The following NRXN3 variants were observed in gnomAD, a reference collection of about 807,000 sequenced individuals.
The protein encoded by NRXN3 is neurexin 3.
Under a neutral mutation model 137.6 loss-of-function variants are expected in NRXN3, and 32 were observed. That is an observed-to-expected ratio of 0.23 (90% CI 0.18 to 0.31). The LOEUF is 0.31. Ranked by LOEUF, NRXN3 falls within the 10% of genes least tolerant of loss-of-function variation. The pLI is 1.00. For synonymous variants in NRXN3, 798 were observed against 784.5 expected (o/e 1.02, Z -0.29); for missense variants, 1,574 against 2,062.5 (o/e 0.76, Z 4.59).
intron 17 of NRXN3, among the ~76,000 whole-genome samples, chr14:79,685,549 T>C (rs937534665): frequency 3.9e-5 from 6 of 152,226 alleles, no homozygotes; most frequent in African/African-American, 1.4e-4. Flanking sequence ...CAGGTTAACC[T>C]GGCATACTGA....
At chr14:78,629,375 T>C (rs773151440) in intron 4 of NRXN3, among the ~76,000 whole-genome samples, 1 of 152,214 alleles carries the variant, frequency 6.6e-6, no homozygotes, top group African/African-American at 2.4e-5. Flanking sequence ...CACAATGTCA[T>C]TGAGGAATGC....
chr14:79,057,098 A>T (rs1021514417), intron 15 of NRXN3, among the ~76,000 whole-genome samples: 2 of 152,216 alleles, frequency 1.3e-5, no homozygotes, highest in Non-Finnish European at 2.9e-5. Context: ...ATACATGGGT[A>T]ATCTTTCTCA....
chr14:79,547,733 A>T (rs2097334167), intron 16 of NRXN3, among the ~76,000 whole-genome samples: 1 of 152,166 alleles, frequency 6.6e-6, no homozygotes, highest in African/African-American at 2.4e-5. Context: ...GGGTTCATTG[A>T]TTCATTGGGA....
At chr14:78,187,157 T>A (rs1024463105) in intron 1 of NRXN3, among the ~76,000 whole-genome samples, 3 of 152,186 alleles carry the variant, frequency 2.0e-5, no homozygotes, top group African/African-American at 7.2e-5. Flanking sequence ...GTGTCTTCAC[T>A]TTACAAATGA....
At chr14:79,619,463 C>G (rs221502) in intron 16 of NRXN3, among the ~76,000 whole-genome samples, 59,032 of 151,830 alleles carry the variant, frequency 0.39, 15,839 homozygotes, top group African/African-American at 0.77. Context: ...TGAATAGTAG[C>G]GAGTCCTTTC....
At chr14:79,270,178 C>G (rs772055415) in intron 15 of NRXN3, among the ~76,000 whole-genome samples, 1 of 152,196 alleles carries the variant, frequency 6.6e-6, no homozygotes, top group Non-Finnish European at 1.5e-5. Flanking sequence ...ACAGGCATCT[C>G]TCACTTGAGC....
intron 15 of NRXN3, chr14:79,247,254 G>A (rs12882688): frequency 0.25 from 38,574 of 151,916 alleles, 5,990 homozygotes; most frequent in Admixed American, 0.41. Context: ...TGGAAGATGC[G>A]TTACCAAAGA....
Position 79,125,011 on chromosome 14 carries a change from T to C in NRXN3, c.3262+136870T>C, listed in dbSNP as rs189673872. Among the ~76,000 whole-genome samples, 122 of 152,366 alleles carry C rather than the reference T, an allele frequency of 8.0e-4. 1 individual carries two copies. The highest frequency in any genetic ancestry group is 6.9e-4 in the Non-Finnish European group (47 of 68,034). The stretch of plus-strand genomic sequence containing the variant: ...GGCTAATGTTTTTGTATATTTGTTT[T>C]GTACATTTTGTACATGTTTTTGTAA... On this transcript the variant is annotated intron_variant, in intron 15 of 20. Transcript: ENST00000335750.
At chr14:79,649,248 G>A (rs917247768) in intron 16 of NRXN3, among the ~76,000 whole-genome samples, 2 of 152,014 alleles carry the variant, frequency 1.3e-5, no homozygotes, top group East Asian at 1.9e-4. Context: ...AGCATTGCTT[G>A]GATGATGTCT....
At chr14:78,399,709 A>G (rs914709573) in intron 4 of NRXN3, among the ~76,000 whole-genome samples, 2 of 152,134 alleles carry the variant, frequency 1.3e-5, no homozygotes, top group South Asian at 4.1e-4. Context: ...GCTATTTTTG[A>G]CAGTAATTTT....
chr14:79,013,660 C>T (rs1326157974), intron 15 of NRXN3, among the ~76,000 whole-genome samples: 1 of 152,122 alleles, frequency 6.6e-6, no homozygotes, highest in Non-Finnish European at 1.5e-5. Flanking sequence ...ATTATATTTA[C>T]AGAATTTGCC....
chr14:79,804,551 C>T (rs1413681749), intron 19 of NRXN3, among the ~76,000 whole-genome samples: 2 of 152,154 alleles, frequency 1.3e-5, no homozygotes, highest in East Asian at 1.9e-4. Flanking sequence ...TCAGCTATTG[C>T]AGCAATTACA....
chr14:78,524,064 A>G (rs1320302049), intron 4 of NRXN3, among the ~76,000 whole-genome samples: 2 of 152,182 alleles, frequency 1.3e-5, no homozygotes, highest in Admixed American at 1.3e-4. Flanking sequence ...GCATTTTGTT[A>G]TTATCACAAA....
chr14:79,067,121 C>G (rs976557914), intron 15 of NRXN3, among the ~76,000 whole-genome samples: 4 of 151,910 alleles, frequency 2.6e-5, no homozygotes, highest in Non-Finnish European at 5.9e-5. Flanking sequence ...ATGACTCTTA[C>G]TATTTTGAGA....
intron 15 of NRXN3, among the ~76,000 whole-genome samples, chr14:79,348,476 C>T (rs1448665009): frequency 6.6e-6 from 1 of 151,268 alleles, no homozygotes; most frequent in Non-Finnish European, 1.5e-5. Flanking sequence ...CCCGGGTTCA[C>T]GCCATTTTCC....
At chr14:78,762,990 G>A (rs1391986566) in intron 8 of NRXN3, among the ~76,000 whole-genome samples, 1 of 152,196 alleles carries the variant, frequency 6.6e-6, no homozygotes, top group African/African-American at 2.4e-5. Context: ...ATAAGCTTAA[G>A]TGCAATGTGT....
intron 15 of NRXN3, among the ~76,000 whole-genome samples, chr14:79,430,554 T>C (rs945418259): frequency 1.3e-5 from 2 of 152,170 alleles, no homozygotes; most frequent in Non-Finnish European, 2.9e-5. Context: ...GGTCACATCT[T>C]CTTGAATTTT....
At position 79,367,703 on chromosome 14, in the gene NRXN3, T is replaced by TCTCATTGTA. The variant is rs1227831704; in HGVS notation, c.3263-99517_3263-99509dup. On this transcript the variant is annotated intron_variant, in intron 15 of 20. Transcript: ENST00000335750. The stretch of plus-strand genomic sequence containing the variant: ...TAGCACGTAGCCTAGCTTACACACT[T>TCTCATTGTA]CTCATTGTATAGATGAGGAAACTGG... Among the ~76,000 whole-genome samples the TCTCATTGTA allele has an allele frequency of 1.8e-4, 28 of 152,350 alleles. 1 individual carries two copies. In the East Asian group the frequency reaches 3.1e-3, roughly 17 times the overall value.
At chr14:78,606,282 T>C (rs991587875) in intron 4 of NRXN3, among the ~76,000 whole-genome samples, 1 of 152,252 alleles carries the variant, frequency 6.6e-6, no homozygotes, top group African/African-American at 2.4e-5. Context: ...GATTCCTCTG[T>C]AGTCATATGG....
Sources: allele counts gnomAD v4.1 joint callset (sites outside exome capture counted in the v4.1 genomes callset), GRCh38; gene constraint gnomAD v4.1.1; transcripts MANE v1.5; gene names NCBI Gene and HGNC (gene_info 2026-07-23, HGNC 2026-07-21).